CPT1A: variants seen among roughly 807,000 people sequenced by gnomAD.
CPT1A encodes carnitine palmitoyltransferase 1A.
Under a neutral mutation model 100.8 loss-of-function variants are expected in CPT1A, and 64 were observed. That is an observed-to-expected ratio of 0.63 (90% confidence interval 0.52 to 0.78). The LOEUF (loss-of-function observed/expected upper bound fraction) is 0.78, where lower values mean the gene tolerates loss of function less well. CPT1A is among the 30% of genes least tolerant of loss of function. The pLI is 0.00. For missense variants in CPT1A, 802 were observed against 1,034.1 expected, an observed-to-expected ratio of 0.78 and a Z score of 3.08; for synonymous variants, 363 against 396.0, an observed-to-expected ratio of 0.92 and a Z score of 0.99.
At chr11:68,820,103 C>T (rs1031230430) in intron 1 of CPT1A, among the ~76,000 whole-genome samples, 1 of 152,182 alleles carries the variant, frequency 6.6e-6, no homozygotes, top group Non-Finnish European at 1.5e-5. Flanking sequence ...GATCATGGCT[C>T]ACTGCAGCCT....
In CPT1A at chr11:68,755,262, T is replaced by C. The variant is rs540938410; in HGVS notation, c.*2382A>G. 5.3e-6 allele frequency: 1 copy of C among 188,638 alleles called. No individual in the cohort carries two copies. The highest frequency in any genetic ancestry group is 5.5e-5 in the Admixed American group (1 of 18,058). 11.7% of individuals were successfully genotyped at this position (188,638 alleles called of 1,614,324 possible). On this transcript the variant is annotated 3_prime_UTR_variant, in exon 19 of 19. Coordinates refer to ENST00000265641, the MANE Select transcript of CPT1A (RefSeq NM_001876.4). ...CTCTAGTGTAACACAGATTGCTCAG[T>C]GGTCAACAGTGCATGATCTAGCTGG... is the stretch of plus-strand genomic sequence containing the variant.
chr11:68,768,276 C>T (rs1342886981), intron 14 of CPT1A, among the ~76,000 whole-genome samples: 1 of 151,860 alleles, frequency 6.6e-6, no homozygotes, highest in Non-Finnish European at 1.5e-5. Flanking sequence ...GGGGTTTCAT[C>T]GTGTTAGCCA....
intron 13 of CPT1A, 74 bp from the exon 14 acceptor site, chr11:68,773,503 G>A (rs1448010114): frequency 4.7e-5 from 76 of 1,606,878 alleles, no homozygotes; most frequent in Non-Finnish European, 6.2e-5. Flanking sequence ...AAGGAAATTG[G>A]AGGCTGGTTT....
At chr11:68,796,729 A>AGAG in intron 7 of CPT1A, 127 bp downstream of exon 7, 1 of 876,364 alleles carries the variant, frequency 1.1e-6, no homozygotes, top group Non-Finnish European at 1.9e-6. Flanking sequence ...AGCAGGACAG[A>AGAG]GAGGAGCATG....
intron 1 of CPT1A, chr11:68,839,473 T>C (rs1246990277): frequency 1.0e-6 from 1 of 979,964 alleles, no homozygotes; most frequent in Non-Finnish European, 1.2e-6. Flanking sequence ...CCACCCGCCG[T>C]GCCCACAGAG....
intron 1 of CPT1A, chr11:68,839,469 G>A: frequency 6.2e-6 from 6 of 975,296 alleles, no homozygotes; most frequent in Non-Finnish European, 7.3e-6. Context: ...TGTTCCACCC[G>A]CCGTGCCCAC....
rs1946717378 is a variant in CPT1A, at chr11:68,757,679, T to A, written c.2287A>T (p.Thr763Ser). The A allele has an allele frequency of 6.2e-7, 1 of 1,614,166 alleles. No homozygotes were observed. Among genetic ancestry groups the A allele is most frequent in the African/African-American group, 1.3e-5 (1 of 75,054 alleles). The change falls in exon 19 of 19, where the codon ACT (threonine) becomes TCT (serine). Residue 763 changes from threonine to serine, a missense_variant. By Grantham distance (58) the Thr-to-Ser change is moderately conservative. This residue lies in a region of CPT1A where 627 missense variants were observed against 799.3 expected (regional missense o/e 0.78). Coordinates refer to ENST00000265641, the MANE Select transcript of CPT1A (RefSeq NM_001876.4). ...HLKEAMTDIITLFGLSSNSKK is the reference protein window; with the variant it reads ...HLKEAMTDIISLFGLSSNSKK ...GAATTAGAACTGAGACCAAACAAAG[T>A]GATGATGTCAGTCATTGCTTCTTTC...
At chr11:68,757,904 G>A (rs1437782797) in intron 18 of CPT1A, among the ~76,000 whole-genome samples, 174 bp from the exon 19 acceptor site, 1 of 152,186 alleles carries the variant, frequency 6.6e-6, no homozygotes, top group Non-Finnish European at 1.5e-5. Flanking sequence ...AATGCTGAGG[G>A]TAAAGAGATG....
intron 13 of CPT1A, among the ~76,000 whole-genome samples, chr11:68,774,756 T>C (rs1250387020): frequency 7.4e-6 from 1 of 135,734 alleles, no homozygotes; most frequent in Non-Finnish European, 1.5e-5. Context: ...CACTCCAGCC[T>C]GGGTGACAGT....
intron 14 of CPT1A, among the ~76,000 whole-genome samples, chr11:68,771,366 G>C (rs965517480): frequency 6.6e-6 from 1 of 152,190 alleles, no homozygotes; most frequent in Admixed American, 6.5e-5. Context: ...AATTTAAAAA[G>C]ATAAAATAAC....
Position 68,765,786 on chromosome 11 carries a change from C to T in CPT1A, c.1741-3025G>A, listed in dbSNP as rs114581439. Among the ~76,000 whole-genome samples, 607 of 151,522 alleles carry T rather than the reference C, an allele frequency of 4.0e-3. 8 individuals carry two copies. Among genetic ancestry groups the T allele is most frequent in the African/African-American group, 0.014 (575 of 41,312 alleles). On this transcript the variant is annotated intron_variant, in intron 14 of 18. Coordinates refer to ENST00000265641, the MANE Select transcript of CPT1A (RefSeq NM_001876.4). ...CATTCTAGCAGGAGACAGGGATGAA[C>T]AAAAAAATTCTATCACATCAAGTCA...
chr11:68,828,879 G>T (rs1031771290), intron 1 of CPT1A, among the ~76,000 whole-genome samples: 4 of 152,168 alleles, frequency 2.6e-5, no homozygotes, highest in Non-Finnish European at 5.9e-5. Flanking sequence ...ACGCAAGCTG[G>T]CCCCGGTCCA....
At chr11:68,799,473 G>T in intron 5 of CPT1A, 118 bp from the exon 6 acceptor site, 2 of 1,136,922 alleles carry the variant, frequency 1.8e-6, no homozygotes, top group Non-Finnish European at 1.3e-6. Flanking sequence ...TTTAGGCTGG[G>T]CATGGTGGCT....
At chr11:68,788,154 C>G (rs1245610954) in intron 9 of CPT1A, among the ~76,000 whole-genome samples, 1 of 151,952 alleles carries the variant, frequency 6.6e-6, no homozygotes, top group Non-Finnish European at 1.5e-5. Context: ...TTATGGTGGC[C>G]TGGGCAAACT....
In CPT1A at chr11:68,827,482, T is replaced by A. The variant is rs1856760663; in HGVS notation, c.-13-11995A>T. On this transcript the variant is annotated intron_variant, in intron 1 of 18. Transcript: ENST00000265641. ...GTGTACCCTCCTGGAATCAACAAAT[T>A]TAACATTTTGCTGTATTGATTTAGA... Among the ~76,000 whole-genome samples the A allele has an allele frequency of 2.0e-5, 3 of 152,028 alleles. No individual in the cohort carries two copies. The South Asian group carries it at 6.2e-4, about 32-fold the overall frequency.
At chr11:68,799,722 A>T (rs3019604) in intron 5 of CPT1A, among the ~76,000 whole-genome samples, 1 of 151,640 alleles carries the variant, frequency 6.6e-6, no homozygotes, top group South Asian at 2.1e-4. Context: ...TGCCACTGCA[A>T]CCCAGCCTGG....
At chr11:68,780,085 T>C (rs1351999763) in intron 12 of CPT1A, among the ~76,000 whole-genome samples, 1 of 152,138 alleles carries the variant, frequency 6.6e-6, no homozygotes, top group Non-Finnish European at 1.5e-5. Flanking sequence ...TCAACTGCCA[T>C]TTCACTCTTT....
At chr11:68,799,975 A>G (rs1024504352) in intron 5 of CPT1A, among the ~76,000 whole-genome samples, 4 of 152,214 alleles carry the variant, frequency 2.6e-5, no homozygotes, top group Admixed American at 1.3e-4. Context: ...AGAGTTGACA[A>G]GAAAAGTTAA....
At position 68,834,531 on chromosome 11, in the gene CPT1A, C is replaced by T. The variant is rs114740730; in HGVS notation, c.-14+7244G>A. 4.9e-3 allele frequency among the ~76,000 whole-genome samples: 751 copies of T among 152,196 alleles called. 2 individuals carry two copies. The highest frequency in any genetic ancestry group is 0.017 in the African/African-American group (710 of 41,528). On this transcript the variant is annotated intron_variant, in intron 1 of 18. Coordinates refer to ENST00000265641, the MANE Select transcript of CPT1A (RefSeq NM_001876.4). ...CTTTGGCAGGCGAAGGCAGGAAGTT[C>T]GCTTGAGCCCAGGTATTTGAGACCA...
Sources: gnomAD v4.1 joint callset for allele counts (sites outside exome capture counted in the v4.1 genomes callset) on GRCh38, gnomAD v4.1.1 for gene constraint, gnomAD v4.1.1 regional missense constraint, MANE v1.5 for transcripts, NCBI Gene and HGNC (gene_info 2026-07-23, HGNC 2026-07-21) for gene names.